PLXDC2: variants seen among roughly 807,000 people sequenced by gnomAD.
The protein encoded by PLXDC2 is plexin domain-containing protein 2.
Under a neutral mutation model 68.9 loss-of-function variants are expected in PLXDC2, and 40 were observed. The ratio of observed to expected loss-of-function variants is 0.58; its 90% CI spans 0.45 to 0.76. The LOEUF is 0.76. Ranked by LOEUF, PLXDC2 falls within the 30% of genes least tolerant of loss-of-function variation. The pLI is 0.00. For synonymous variants in PLXDC2, 243 were observed against 234.2 expected (o/e 1.04, Z -0.34); for missense variants, 644 against 661.9 (o/e 0.97, Z 0.30).
intron 1 of PLXDC2, among the ~76,000 whole-genome samples, chr10:19,916,161 C>T: frequency 1.4e-5 from 2 of 144,408 alleles, no homozygotes; most frequent in African/African-American, 2.5e-5. Flanking sequence ...TGGAGTCTCA[C>T]TCTGTCACCT....
intron 1 of PLXDC2, among the ~76,000 whole-genome samples, chr10:19,994,964 G>A (rs996369689): frequency 1.3e-5 from 2 of 151,690 alleles, no homozygotes; most frequent in Admixed American, 6.6e-5. Flanking sequence ...GCCTGGTCTC[G>A]AATTCCTGAC....
intron 1 of PLXDC2, among the ~76,000 whole-genome samples, chr10:19,947,959 G>A (rs1190616605): frequency 6.6e-6 from 1 of 151,986 alleles, no homozygotes; most frequent in African/African-American, 2.4e-5. Context: ...GTGAAATTAA[G>A]GGTCCAATAA....
Position 20,199,228 on chromosome 10 carries a change from A to G in PLXDC2, c.1062-12441A>G, listed in dbSNP as rs1834885184. Among the ~76,000 whole-genome samples, 5 of 152,110 alleles carry G rather than the reference A, an allele frequency of 3.3e-5. No homozygotes were observed. In the South Asian group the frequency reaches 1.0e-3, roughly 32 times the overall value. Reference sequence around the variant, plus strand: ...AAAAAATATTTGATAAAATTTAACCATTTTTTTAAGTTAACATTAGCAAAC... The same window carrying G: ...AAAAAATATTTGATAAAATTTAACCGTTTTTTTAAGTTAACATTAGCAAAC... On this transcript the variant is annotated intron_variant, in intron 9 of 13. Transcript: ENST00000377252.
intron 13 of PLXDC2, among the ~76,000 whole-genome samples, chr10:20,247,276 A>G (rs1307358939): frequency 6.8e-6 from 1 of 146,628 alleles, no homozygotes; most frequent in Non-Finnish European, 1.5e-5. Context: ...CCTGGGCAAC[A>G]TGGTGAAACT....
rs187339378 is a variant in PLXDC2 at position 19,981,822 on chromosome 10, T to C, written c.113-19953T>C. Among the ~76,000 whole-genome samples, 3 of 152,320 alleles carry C rather than the reference T, an allele frequency of 2.0e-5. No individual in the cohort carries two copies. In the East Asian group the frequency reaches 5.8e-4, roughly 29 times the overall value. On this transcript the variant is annotated intron_variant, in intron 1 of 13. Coordinates refer to ENST00000377252, the MANE Select transcript of PLXDC2 (RefSeq NM_032812.9). ...TTATTTCAAATTAGTATGGCACTGA[T>C]CGTAAGGACCCACTGTGGAGTTCGA... is the stretch of plus-strand genomic sequence containing the variant.
rs961512809 is a variant in PLXDC2 at position 20,214,060 on chromosome 10, CA to C, written c.1122+2333del. On this transcript the variant is annotated intron_variant, in intron 10 of 13. Coordinates refer to ENST00000377252, the MANE Select transcript of PLXDC2 (RefSeq NM_032812.9). The stretch of plus-strand genomic sequence containing the variant: ...AATCTACTCACTGAAGTAGAAATTC[CA>C]ACAAACATTTTTCATATCTAAAATT... Among the ~76,000 whole-genome samples, 24 of 152,182 alleles carry C rather than the reference CA, an allele frequency of 1.6e-4. 1 individual carries two copies. The highest frequency in any genetic ancestry group is 5.8e-4 in the African/African-American group (24 of 41,542).
intron 2 of PLXDC2, among the ~76,000 whole-genome samples, chr10:20,043,586 A>G (rs1393815675): frequency 1.3e-5 from 2 of 152,150 alleles, no homozygotes; most frequent in African/African-American, 2.4e-5. Flanking sequence ...CTTAAAGAAA[A>G]TATCTATTTT....
chr10:19,944,234 C>T (rs946790050), intron 1 of PLXDC2, among the ~76,000 whole-genome samples: 2 of 152,168 alleles, frequency 1.3e-5, no homozygotes, highest in East Asian at 1.9e-4. Context: ...GCCATCCCAT[C>T]GGCTTCTGTA....
intron 4 of PLXDC2, among the ~76,000 whole-genome samples, chr10:20,127,718 A>G (rs1214778213): frequency 6.6e-6 from 1 of 152,176 alleles, no homozygotes; most frequent in Non-Finnish European, 1.5e-5. Context: ...AATGGGGTGT[A>G]GTGGAACATG....
chr10:20,137,161 T>C (rs557038548), intron 4 of PLXDC2, among the ~76,000 whole-genome samples: 7 of 152,330 alleles, frequency 4.6e-5, no homozygotes, highest in African/African-American at 1.7e-4. Context: ...CTCCTAGCAT[T>C]AGTCCAAGAT....
rs150127349 is a variant in PLXDC2 at position 20,251,825 on chromosome 10, ACT to A, written c.1473+6322_1473+6323del. 4.6e-3 allele frequency among the ~76,000 whole-genome samples: 700 copies of A among 152,234 alleles called. 8 individuals carry two copies. Among genetic ancestry groups the A allele is most frequent in the African/African-American group, 0.014 (573 of 41,560 alleles). On this transcript the variant is annotated intron_variant, in intron 13 of 13. Transcript: ENST00000377252. ...CATAAATAATTGCTAGTATTTGGAC[ACT>A]CATGTACAGTTTTGATTGCTCTGTT...
chr10:19,883,162 C>T lies in PLXDC2; in HGVS notation c.112+65971C>T, dbSNP rs575986909. 2.1e-4 allele frequency among the ~76,000 whole-genome samples: 32 copies of T among 152,150 alleles called. 1 individual carries two copies. The South Asian group carries it at 6.4e-3, about 31-fold the overall frequency. ...TATTTTTAGTAGAGATGGGGTTTCA[C>T]TGTGTTAGCCAGGATGGTCTCGATC... On this transcript the variant is annotated intron_variant, in intron 1 of 13. Coordinates refer to ENST00000377252, the MANE Select transcript of PLXDC2 (RefSeq NM_032812.9).
intron 13 of PLXDC2, among the ~76,000 whole-genome samples, 188 bp from the exon 14 acceptor site, chr10:20,279,515 G>T (rs1228261204): frequency 2.0e-5 from 3 of 152,178 alleles, no homozygotes; most frequent in East Asian, 3.9e-4. Flanking sequence ...GCGCCATCTT[G>T]GAAATGCAAG....
chr10:20,284,201 G>A lies in PLXDC2; in HGVS notation c.*4382G>A, dbSNP rs1836117715. The A allele has an allele frequency of 6.6e-6, 1 of 151,638 alleles. No individual in the cohort carries two copies. The highest frequency in any genetic ancestry group is 1.5e-5 in the Non-Finnish European group (1 of 67,932). The allele number at this position is 151,638 out of a possible 1,614,324, so 9.4% of individuals were successfully genotyped here. A position where few individuals can be genotyped will look rare whatever the true frequency, so the allele number is the denominator to read the frequency against. On this transcript the variant is annotated 3_prime_UTR_variant, in exon 14 of 14. Transcript: ENST00000377252. The stretch of plus-strand genomic sequence containing the variant: ...TTCTTTAGGTATTTTCCAAGTTACT[G>A]CTGCTTTTACTTCACGACCTCCAAC...
chr10:20,124,814 A>G (rs929769514), intron 4 of PLXDC2, among the ~76,000 whole-genome samples: 10 of 142,622 alleles, frequency 7.0e-5, no homozygotes, highest in Admixed American at 4.2e-4. Flanking sequence ...AGGCAGGAAC[A>G]GGCCATTTTC....
At chr10:19,993,420 A>G (rs2131630560) in intron 1 of PLXDC2, among the ~76,000 whole-genome samples, 1 of 152,172 alleles carries the variant, frequency 6.6e-6, no homozygotes. Flanking sequence ...ATTTTTATTT[A>G]TTTATTCATT....
chr10:20,104,427 C>T (rs1833462568), intron 4 of PLXDC2, among the ~76,000 whole-genome samples: 2 of 152,114 alleles, frequency 1.3e-5, no homozygotes, highest in Non-Finnish European at 2.9e-5. Flanking sequence ...AGACCAACTC[C>T]AGCCCCTTGT....
intron 2 of PLXDC2, among the ~76,000 whole-genome samples, chr10:20,002,932 A>C (rs1834966351): frequency 6.6e-6 from 1 of 152,122 alleles, no homozygotes; most frequent in Non-Finnish European, 1.5e-5. Context: ...TCCAGTGTTA[A>C]ATATGGAACA....
At chr10:20,038,923 C>T (rs1835627635) in intron 2 of PLXDC2, among the ~76,000 whole-genome samples, 1 of 152,088 alleles carries the variant, frequency 6.6e-6, no homozygotes, top group Admixed American at 6.5e-5. Context: ...TTACTCATTC[C>T]ACTGGTCAGC....
Sources: gnomAD v4.1 joint callset for allele counts (sites outside exome capture counted in the v4.1 genomes callset) on GRCh38, gnomAD v4.1.1 for gene constraint, MANE v1.5 for transcripts, NCBI Gene and HGNC (gene_info 2026-07-23, HGNC 2026-07-21) for gene names.